KANK1: variants seen among roughly 807,000 people sequenced by gnomAD.
KANK1 encodes KN motif and ankyrin repeat domains 1.
Under a neutral mutation model 106.2 loss-of-function variants are expected in KANK1, and 109 were observed. The ratio of observed to expected loss-of-function variants is 1.03; its 90% CI spans 0.88 to 1.20. KANK1 has a LOEUF of 1.20. Ranked by LOEUF, KANK1 falls within the 50% of genes most tolerant of loss-of-function variation. The pLI is 0.00. For missense variants in KANK1, 2,399 were observed against 1,710.7 expected, an observed-to-expected ratio of 1.40 and a Z score of -7.10; for synonymous variants, 873 against 652.2, an observed-to-expected ratio of 1.34 and a Z score of -5.16.
chr9:657,973 A>T (rs1257343269), intron 1 of KANK1, among the ~76,000 whole-genome samples: 1 of 152,062 alleles, frequency 6.6e-6, no homozygotes, highest in African/African-American at 2.4e-5. Context: ...AGCTCACTAC[A>T]GCCTCGAACT....
At chr9:683,298 C>T (rs1306185419) in intron 2 of KANK1, among the ~76,000 whole-genome samples, 2 of 152,112 alleles carry the variant, frequency 1.3e-5, no homozygotes, top group East Asian at 1.9e-4. Flanking sequence ...TGTATTCTCC[C>T]ATAAGTAGTG....
intron 1 of KANK1, among the ~76,000 whole-genome samples, chr9:604,971 A>G (rs1476915902): frequency 2.6e-5 from 4 of 151,840 alleles, no homozygotes; most frequent in East Asian, 1.9e-4. Context: ...CAATTGGGCA[A>G]TGTCTGACAG....
upstream of KANK1, among the ~76,000 whole-genome samples, chr9:500,053 G>A (rs1014569792): frequency 2.6e-5 from 4 of 152,098 alleles, no homozygotes; most frequent in Non-Finnish European, 5.9e-5. Context: ...CTTTTGCATG[G>A]GAATTTTATC....
At chr9:738,620 T>C (rs1261477906) in intron 8 of KANK1, 116 bp downstream of exon 8, 1 of 804,056 alleles carries the variant, frequency 1.2e-6, no homozygotes, top group Middle Eastern at 2.3e-4. Context: ...ATCCTTTTTA[T>C]TGCTTTTCCA....
rs1300910676 is a variant in KANK1 at position 524,603 on chromosome 9, C to T, written c.-84+19849C>T. ...TGCGATCTCAGCTCACTGCAACCTCCGCCTCCCAGGTTCAAGCGATTCTTT... is the reference window on the plus strand; with the variant it reads ...TGCGATCTCAGCTCACTGCAACCTCTGCCTCCCAGGTTCAAGCGATTCTTT... On this transcript the variant is annotated intron_variant, in intron 1 of 11. Transcript: ENST00000382297. 5.3e-5 allele frequency among the ~76,000 whole-genome samples: 8 copies of T among 151,596 alleles called. 1 individual carries two copies. The highest frequency in any genetic ancestry group is 1.7e-4 in the African/African-American group (7 of 40,916).
At chr9:657,200 GA>G (rs1842342792) in intron 1 of KANK1, among the ~76,000 whole-genome samples, 1 of 152,156 alleles carries the variant, frequency 6.6e-6, no homozygotes, top group Non-Finnish European at 1.5e-5. Flanking sequence ...GCATGTGATA[GA>G]ATTTCCTTTT....
At chr9:715,959 G>A (rs1457514270) in intron 3 of KANK1, among the ~76,000 whole-genome samples, 1 of 152,164 alleles carries the variant, frequency 6.6e-6, no homozygotes, top group East Asian at 1.9e-4. Context: ...GGTGCACTGT[G>A]CATTCCTGTG....
At chr9:608,661 T>G (rs1462415461) in intron 1 of KANK1, among the ~76,000 whole-genome samples, 1 of 152,166 alleles carries the variant, frequency 6.6e-6, no homozygotes, top group Non-Finnish European at 1.5e-5. Context: ...AGTCTGTCTT[T>G]CATCAAGTCA....
At chr9:654,283 C>T (rs1244237292) in intron 1 of KANK1, among the ~76,000 whole-genome samples, 1 of 151,908 alleles carries the variant, frequency 6.6e-6, no homozygotes, top group African/African-American at 2.4e-5. Flanking sequence ...AAACAGTGGC[C>T]CAGAGAATAA....
At chr9:744,665 G>C (rs757582446) in intron 11 of KANK1, 76 bp downstream of exon 11, 1 of 1,612,440 alleles carries the variant, frequency 6.2e-7, no homozygotes, top group South Asian at 1.1e-5. Context: ...TCCAGGAATT[G>C]ACGGGAGACA....
chr9:593,901 C>G (rs933614414), intron 1 of KANK1, among the ~76,000 whole-genome samples: 7 of 151,840 alleles, frequency 4.6e-5, no homozygotes, highest in Admixed American at 1.3e-4. Context: ...GTAACCTTGT[C>G]TCTTATTTCT....
chr9:504,514 G>C (rs887566875), upstream of KANK1, among the ~76,000 whole-genome samples: 390 of 150,330 alleles, frequency 2.6e-3, 1 homozygote, highest in African/African-American at 7.9e-3. Flanking sequence ...GGCTTCGCCG[G>C]CCCGCGCCGT....
chr9:661,165 T>A (rs1843216220), intron 1 of KANK1, among the ~76,000 whole-genome samples: 1 of 152,212 alleles, frequency 6.6e-6, no homozygotes, highest in African/African-American at 2.4e-5. Context: ...AGGGTACATG[T>A]GCACAACATG....
chr9:713,835 C>G (rs754788179), intron 3 of KANK1, among the ~76,000 whole-genome samples: 9 of 152,160 alleles, frequency 5.9e-5, no homozygotes, highest in Non-Finnish European at 1.2e-4. Context: ...CCTGTTTGTA[C>G]CCACTATTAC....
rs369862313 is a variant in KANK1, at chr9:698,231, G to A, written c.38-12573G>A. On this transcript the variant is annotated intron_variant, in intron 2 of 11. Transcript: ENST00000382297. ...GGCTGTCAGGGTCGGTGTTGTCTTAGCCTCACAGGCATTTTCAGTCCTTGC... is the reference window on the plus strand; with the variant it reads ...GGCTGTCAGGGTCGGTGTTGTCTTAACCTCACAGGCATTTTCAGTCCTTGC... Among the ~76,000 whole-genome samples the A allele has an allele frequency of 3.9e-5, 6 of 152,066 alleles. No homozygotes were observed. In the East Asian group the frequency reaches 1.2e-3, roughly 29 times the overall value.
In KANK1 at chr9:740,909, G is replaced by C. The variant is rs1007637992; in HGVS notation, c.3671G>C (p.Gly1224Ala). Reference protein sequence around the residue: ...MRIVEELFGCGDVNAKASQAG... With the variant: ...MRIVEELFGCADVNAKASQAG... The stretch of plus-strand genomic sequence containing the variant: ...ATTGTGGAAGAACTCTTCGGCTGTG[G>C]GGATGTGAATGCCAAAGCTAGTCAG... Residue 1224 changes from glycine (G) to alanine (A), a missense_variant, in exon 9 of 12, where the codon GGG becomes GCG. By Grantham distance (60) the Gly-to-Ala change is moderately conservative. Transcript: ENST00000382297. The C allele has an allele frequency of 2.5e-6, 4 of 1,614,096 alleles. No individual in the cohort carries two copies. The highest frequency in any genetic ancestry group is 3.4e-6 in the Non-Finnish European group (4 of 1,180,054).
chr9:525,485 T>C (rs1401500119), intron 1 of KANK1, among the ~76,000 whole-genome samples: 1 of 151,368 alleles, frequency 6.6e-6, no homozygotes, highest in Non-Finnish European at 1.5e-5. Flanking sequence ...GTTCAAGCGA[T>C]TCTCATGCCT....
At chr9:508,644 C>T (rs2058887481) in intron 1 of KANK1, among the ~76,000 whole-genome samples, 2 of 147,300 alleles carry the variant, frequency 1.4e-5, no homozygotes, top group Admixed American at 6.6e-5. Context: ...CACAGACTCA[C>T]ACGGTATATA....
chr9:655,198 C>T (rs926221917), intron 1 of KANK1, among the ~76,000 whole-genome samples: 11 of 151,952 alleles, frequency 7.2e-5, no homozygotes, highest in Non-Finnish European at 1.5e-4. Context: ...GGTGAAACCT[C>T]GTCTCTACTA....
Sources: gnomAD v4.1 joint callset for allele counts (sites outside exome capture counted in the v4.1 genomes callset) on GRCh38, gnomAD v4.1.1 for gene constraint, MANE v1.5 for transcripts, NCBI Gene and HGNC (gene_info 2026-07-23, HGNC 2026-07-21) for gene names.